Variants in MELTF observed in about 807,000 individuals in gnomAD.
MELTF encodes the protein melanotransferrin, also known as antigen p97 (melanoma associated) identified by monoclonal antibodies 133.2 and 96.5.
Under a neutral mutation model 83.7 loss-of-function variants are expected in MELTF, and 67 were observed. The ratio of observed to expected loss-of-function variants is 0.80; its 90% CI spans 0.66 to 0.98. The LOEUF (loss-of-function observed/expected upper bound fraction) is 0.98. Ranked by LOEUF, MELTF falls within the 50% of genes least tolerant of loss-of-function variation. The probability of loss-of-function intolerance (pLI) is 0.00; values close to 1 mark genes in which losing one functional copy is unlikely to be tolerated. For synonymous variants in MELTF, 462 were observed against 447.6 expected, an observed-to-expected ratio of 1.03 and a Z score of -0.41; for missense variants, 1,002 against 1,035.6, an observed-to-expected ratio of 0.97 and a Z score of 0.44.
chr3:197,008,944 G>A lies in MELTF; in HGVS notation c.1547C>T (p.Ala516Val), dbSNP rs1369662943. Reference sequence around the variant, plus strand: ...GGGGTTGTTCACGGGCACGCAGCTGGCATTGAAGAACTCGCTCACTGCTGG... The same window carrying A: ...GGGGTTGTTCACGGGCACGCAGCTGACATTGAAGAACTCGCTCACTGCTGG... ...VLTAVSEFFN[A>V]SCVPVNNPKN... Residue 516 changes from alanine to valine, a missense_variant, in exon 12 of 16, where the codon GCC becomes GTC. Coordinates refer to ENST00000296350, the MANE Select transcript of MELTF (RefSeq NM_005929.6). The surrounding 1 kb of genome is among the most constrained non-coding windows in gnomAD (Gnocchi z 5.4). The A allele has an allele frequency of 6.2e-7, 1 of 1,613,886 alleles. No individual in the cohort carries two copies. The highest frequency in any genetic ancestry group is 1.7e-5 in the Admixed American group (1 of 60,000).
At chr3:197,015,301 A>G in intron 9 of MELTF, 64 bp downstream of exon 9, 1 of 1,489,760 alleles carries the variant, frequency 6.7e-7, no homozygotes, top group East Asian at 2.5e-5. Context: ...GTGGGTAGTA[A>G]GAACTGCCCA....
rs902073399 is a variant in MELTF at position 197,002,390 on chromosome 3, T to C, written c.*982A>G. ...CTCAGACAACTGTGGCAAGATGGAG[T>C]AGAGAGAGGCCCCGGCCGGGCGCTT... On this transcript the variant is annotated 3_prime_UTR_variant, in exon 16 of 16. Coordinates refer to ENST00000296350, the MANE Select transcript of MELTF (RefSeq NM_005929.6). 1.3e-5 allele frequency: 2 copies of C among 151,818 alleles called. No individual in the cohort carries two copies. Among genetic ancestry groups the C allele is most frequent in the South Asian group, 2.1e-4 (1 of 4,820 alleles). The allele number at this position is 151,818 out of a possible 1,614,324, so 9.4% of individuals were successfully genotyped here. A position where few individuals can be genotyped will look rare whatever the true frequency, so the allele number is the denominator to read the frequency against.
Position 197,006,016 on chromosome 3 carries a change from C to T in MELTF, c.1938+533G>A, listed in dbSNP as rs894521312. Reference sequence around the variant, plus strand: ...TGGGCGGATCACGAGGTCAGGAGATCGAGACCATCCTGGCTAACACGGTGA... The same window carrying T: ...TGGGCGGATCACGAGGTCAGGAGATTGAGACCATCCTGGCTAACACGGTGA... On this transcript the variant is annotated intron_variant, in intron 14 of 15. Transcript: ENST00000296350. This position sits in a 1 kb window ranked among gnomAD's most constrained non-coding sequence, Gnocchi z 5.4. Among the ~76,000 whole-genome samples, 5 of 151,956 alleles carry T rather than the reference C, an allele frequency of 3.3e-5. No individual in the cohort carries two copies. Among genetic ancestry groups the T allele is most frequent in the African/African-American group, 9.7e-5 (4 of 41,364 alleles).
At chr3:197,014,390 T>TTTG (rs1287738740) in intron 9 of MELTF, among the ~76,000 whole-genome samples, 1 of 143,480 alleles carries the variant, frequency 7.0e-6, no homozygotes, top group Non-Finnish European at 1.5e-5. Flanking sequence ...AGAGTTTTTT[T>TTTG]TTTTTTTTTT....
intron 4 of MELTF, chr3:197,023,837 G>A (rs929196001): frequency 1.5e-5 from 7 of 456,778 alleles, no homozygotes; most frequent in Admixed American, 1.2e-4. Context: ...AGGCTCTCGC[G>A]GGTTTACACG....
rs984253416 is a variant in MELTF at position 197,006,801 on chromosome 3, T to C, written c.1751-65A>G. The C allele has an allele frequency of 7.2e-7, 1 of 1,393,608 alleles. No homozygotes were observed. Among genetic ancestry groups the C allele is most frequent in the South Asian group, 1.6e-5 (1 of 61,354 alleles). 86.3% of individuals were successfully genotyped at this position (1,393,608 alleles called of 1,614,324 possible). On this transcript the variant is annotated intron_variant, in intron 13 of 15. Transcript: ENST00000296350. This position sits in a 1 kb window ranked among gnomAD's most constrained non-coding sequence, Gnocchi z 5.4. ...AGTGGAGAGAAGTGTAAAGAGAAGC[T>C]GCTATCCTGGGACCCCAAGGCCTTC...
At position 197,003,423 on chromosome 3, in the gene MELTF, G is replaced by C; in HGVS notation, c.2166C>G (p.Leu722=). The C allele has an allele frequency of 3.6e-6, 4 of 1,113,818 alleles. No individual in the cohort carries two copies. Among genetic ancestry groups the C allele is most frequent in the Non-Finnish European group, 4.4e-6 (4 of 913,578 alleles). 69.0% of individuals were successfully genotyped at this position (1,113,818 alleles called of 1,614,324 possible). The part of the protein sequence containing the change: ...AAAPAPGAPL[L]PLLLPALAAR... ...CGGCGAGGGCGGGCAGCAGCAGCGG[G>C]AGCAGGGGCGCCCCGGGCGCCGGGG... Residue 722 remains leucine (L), a synonymous_variant, in exon 16 of 16, where the codon CTC becomes CTG. Coordinates refer to ENST00000296350, the MANE Select transcript of MELTF (RefSeq NM_005929.6). The surrounding 1 kb of genome is among the most constrained non-coding windows in gnomAD (Gnocchi z 6.2).
intron 10 of MELTF, among the ~76,000 whole-genome samples, chr3:197,010,285 G>A (rs1295861340): frequency 6.6e-6 from 1 of 152,244 alleles, no homozygotes; most frequent in African/African-American, 2.4e-5. Context: ...CTGCCAGGGG[G>A]ACTCTGAAGG....
At chr3:197,005,927 G>A (rs1718958557) in intron 14 of MELTF, among the ~76,000 whole-genome samples, 1 of 128,668 alleles carries the variant, frequency 7.8e-6, no homozygotes, top group African/African-American at 3.2e-5. Context: ...TGCTTCGAAA[G>A]GGAGCAGGAT....
At chr3:197,014,636 C>T (rs1189170554) in intron 9 of MELTF, among the ~76,000 whole-genome samples, 3 of 152,090 alleles carry the variant, frequency 2.0e-5, no homozygotes, top group Non-Finnish European at 4.4e-5. Flanking sequence ...GTGATCCACC[C>T]ACCTTGGCCT....
chr3:197,029,808 C>A lies in MELTF; in HGVS notation c.-106G>T, dbSNP rs1577953348. 5.0e-6 allele frequency: 4 copies of A among 804,388 alleles called. No individual in the cohort carries two copies. Among genetic ancestry groups the A allele is most frequent in the Non-Finnish European group, 6.7e-6 (4 of 599,126 alleles). The allele number at this position is 804,388 out of a possible 1,614,324, so 49.8% of individuals were successfully genotyped here. On this transcript the variant is annotated 5_prime_UTR_variant, in exon 1 of 16. Coordinates refer to ENST00000296350, the MANE Select transcript of MELTF (RefSeq NM_005929.6). This position sits in a 1 kb window ranked among gnomAD's most constrained non-coding sequence, Gnocchi z 6.5. ...GCTCCCCCTCGCGCTGGCCCGAGCT[C>A]CTTAAGTGCGGCCGCGAGTTCCCGG...
intron 1 of MELTF, chr3:197,028,150 C>T (rs920102290): frequency 4.3e-5 from 22 of 511,894 alleles, no homozygotes; most frequent in African/African-American, 7.6e-5. Flanking sequence ...GCTCAGAACC[C>T]GGCCCTTTAT....
At chr3:197,020,755 G>T (rs1193427837) in intron 6 of MELTF, among the ~76,000 whole-genome samples, 1 of 150,186 alleles carries the variant, frequency 6.7e-6, no homozygotes, top group African/African-American at 2.5e-5. Flanking sequence ...TGCAATCTCT[G>T]CCTCCTGGGT....
intron 4 of MELTF, chr3:197,023,996 G>A: frequency 1.7e-6 from 1 of 604,438 alleles, no homozygotes; most frequent in East Asian, 3.5e-5. Context: ...CTGGTGGGAA[G>A]CACTCCTGGG....
rs1267513277 is a variant in MELTF, at chr3:197,006,925, TG to T, written c.1751-190del. Reference sequence around the variant, plus strand: ...GGGTGAAAGAACCCAGCTGTGTTCATGCCATTAGCAGGAGCTGCCATTAATT... The same window carrying T: ...GGGTGAAAGAACCCAGCTGTGTTCATCCATTAGCAGGAGCTGCCATTAATT... On this transcript the variant is annotated intron_variant, in intron 13 of 15. Transcript: ENST00000296350. The surrounding 1 kb of genome is among the most constrained non-coding windows in gnomAD (Gnocchi z 5.4). Among the ~76,000 whole-genome samples the T allele has an allele frequency of 2.0e-5, 3 of 152,208 alleles. No homozygotes were observed. Among genetic ancestry groups the T allele is most frequent in the Non-Finnish European group, 4.4e-5 (3 of 68,030 alleles).
In MELTF at chr3:197,018,977, C is replaced by A. The variant is rs915468819; in HGVS notation, c.713-1687G>T. 9 of 985,102 alleles carry A rather than the reference C, an allele frequency of 9.1e-6. No individual in the cohort carries two copies. In the African/African-American group the frequency reaches 1.6e-4, roughly 17 times the overall value. 61.0% of individuals were successfully genotyped at this position (985,102 alleles called of 1,614,324 possible). On this transcript the variant is annotated intron_variant, in intron 6 of 15. Coordinates refer to ENST00000296350, the MANE Select transcript of MELTF (RefSeq NM_005929.6). ...GTCCCACATAACAATATTTTTATGA[C>A]CTTAAGACAAGGAGGAAAAAAACCT... is the stretch of plus-strand genomic sequence containing the variant.
In MELTF at chr3:197,015,505, A is replaced by AG; in HGVS notation, c.1092dup (p.Tyr365LeufsTer49). On this transcript the variant is annotated frameshift_variant, in exon 9 of 16. Coordinates refer to ENST00000296350, the MANE Select transcript of MELTF (RefSeq NM_005929.6). LOFTEE classifies it high-confidence loss of function. ...GTGGAGAGCACACACCAGCGCAGGTAGGGGGGCAGCCCTGGGGTGGGGCAA... is the reference window on the plus strand; with the variant it reads ...GTGGAGAGCACACACCAGCGCAGGTAGGGGGGGCAGCCCTGGGGTGGGGCAA... 1 of 1,610,756 alleles carries AG rather than the reference A, an allele frequency of 6.2e-7. No homozygotes were observed.
rs752407717 is a variant in MELTF at position 197,029,727 on chromosome 3, C to T, written c.-25G>A. 196 of 1,231,620 alleles carry T rather than the reference C, an allele frequency of 1.6e-4. 3 individuals carry two copies. The East Asian group carries it at 6.0e-3, about 38-fold the overall frequency. The allele number at this position is 1,231,620 out of a possible 1,614,324, so 76.3% of individuals were successfully genotyped here. On this transcript the variant is annotated 5_prime_UTR_variant, in exon 1 of 16. Coordinates refer to ENST00000296350, the MANE Select transcript of MELTF (RefSeq NM_005929.6). The surrounding 1 kb of genome is among the most constrained non-coding windows in gnomAD (Gnocchi z 6.5). ...TGGCGCCGTCGGGGCTGGCTGGGGCCGGGCTGGGGCTGGGTCCGGGTCCGA... is the reference window on the plus strand; with the variant it reads ...TGGCGCCGTCGGGGCTGGCTGGGGCTGGGCTGGGGCTGGGTCCGGGTCCGA...
intron 6 of MELTF, among the ~76,000 whole-genome samples, chr3:197,020,928 A>C (rs1312565211): frequency 1.3e-4 from 20 of 152,144 alleles, no homozygotes; most frequent in Admixed American, 1.0e-3. Flanking sequence ...GGCCTCCCAA[A>C]GTGCTGGGAT....
Sources: gnomAD v4.1 joint callset for allele counts (sites outside exome capture counted in the v4.1 genomes callset) on GRCh38, gnomAD v4.1.1 for gene constraint, Gnocchi (gnomAD v3.1) non-coding constraint, MANE v1.5 for transcripts, NCBI Gene and HGNC (gene_info 2026-07-23, HGNC 2026-07-21) for gene names.